Variants in EMX2 observed in about 807,000 individuals in gnomAD.
The protein encoded by EMX2 is homeobox protein EMX2.
Under a neutral mutation model 23.0 loss-of-function variants are expected in EMX2, and 6 were observed. The ratio of observed to expected loss-of-function variants is 0.26; its 90% confidence interval spans 0.14 to 0.52. The LOEUF (loss-of-function observed/expected upper bound fraction) is 0.52. Among genes scored for constraint, EMX2 ranks in the 20% least tolerant of loss-of-function variants. The probability of loss-of-function intolerance (pLI) is 0.97; values close to 1 mark genes in which losing one functional copy is unlikely to be tolerated. For missense variants in EMX2, 302 were observed against 341.4 expected (o/e 0.88, Z 0.91); for synonymous variants, 175 against 153.3 (o/e 1.14, Z -1.04).
Position 117,546,756 on chromosome 10 carries a change from C to T in EMX2, c.591+940C>T, listed in dbSNP as rs529302997. Reference sequence around the variant, plus strand: ...TGTGCGTGTCAAGCCCCGAGCGCACCGACGCGCGCCTTGGGCCAGCGCCGG... The same window carrying T: ...TGTGCGTGTCAAGCCCCGAGCGCACTGACGCGCGCCTTGGGCCAGCGCCGG... On this transcript the variant is annotated intron_variant, in intron 2 of 2. Coordinates refer to ENST00000553456, the MANE Select transcript of EMX2 (RefSeq NM_004098.4). Among the ~76,000 whole-genome samples the T allele has an allele frequency of 1.4e-4, 22 of 152,360 alleles. 1 individual carries two copies. The East Asian group carries it at 4.1e-3, about 28-fold the overall frequency.
intron 1 of EMX2, among the ~76,000 whole-genome samples, chr10:117,544,064 C>G (rs888137808): frequency 6.6e-6 from 1 of 152,188 alleles, no homozygotes; most frequent in African/African-American, 2.4e-5. Flanking sequence ...GGGGCGCGGA[C>G]AGGACTCGGC....
In EMX2 at chr10:117,543,643, C is replaced by G. The variant is rs1323107230; in HGVS notation, c.376C>G (p.Arg126Gly). The G allele has an allele frequency of 6.2e-7, 1 of 1,613,666 alleles. No homozygotes were observed. The highest frequency in any genetic ancestry group is 1.1e-5 in the South Asian group (1 of 91,086). The change falls in exon 1 of 3, where the codon CGC becomes GGC. Residue 126 changes from arginine to glycine, a missense_variant. Around this residue, in one of 4 missense-constraint regions of EMX2, gnomAD observed 221 missense variants for 206.8 expected, o/e 1.07. Transcript: ENST00000553456. ...PSTFYPWLIH[R>G]YRYLGHRFQG... ...CACCTTCTACCCCTGGCTCATCCAC[C>G]GCTACCGATATCTGGGTCATCGCTT... is the stretch of plus-strand genomic sequence containing the variant.
In EMX2 at chr10:117,543,615, G is replaced by T. The variant is rs144775289; in HGVS notation, c.348G>T (p.Pro116=). 371 of 1,612,754 alleles carry T rather than the reference G, an allele frequency of 2.3e-4. No homozygotes were observed. The highest frequency in any genetic ancestry group is 3.0e-4 in the Non-Finnish European group (353 of 1,179,604). Residue 116 remains proline (P), a synonymous_variant, in exon 1 of 3, where the codon CCG becomes CCT. Transcript: ENST00000553456. ...HPLFASQQRD[P]STFYPWLIHR... ...TATTCGCCTCGCAGCAGCGGGATCC[G>T]TCCACCTTCTACCCCTGGCTCATCC... is the stretch of plus-strand genomic sequence containing the variant.
In EMX2 at chr10:117,543,024, T is replaced by G; in HGVS notation, c.-244T>G. ...AAGGATTTTCCCCCCTCTCTTCAGG[T>G]TGGGCGCGTTTGGTGCAAGATTCTC... On this transcript the variant is annotated 5_prime_UTR_variant, in exon 1 of 3. Coordinates refer to ENST00000553456, the MANE Select transcript of EMX2 (RefSeq NM_004098.4). 3 of 419,294 alleles carry G rather than the reference T, an allele frequency of 7.2e-6. No homozygotes were observed. Among genetic ancestry groups the G allele is most frequent in the East Asian group, 4.6e-5 (1 of 21,974 alleles). The allele number at this position is 419,294 out of a possible 1,614,324, so 26.0% of individuals were successfully genotyped here. A position where few individuals can be genotyped will look rare whatever the true frequency, so the allele number is the denominator to read the frequency against.
intron 2 of EMX2, 63 bp downstream of exon 2, chr10:117,545,879 C>G (rs1011262619): frequency 1.6e-5 from 25 of 1,606,700 alleles, no homozygotes; most frequent in Non-Finnish European, 2.1e-5. Context: ...AAGCTGGCTC[C>G]CAAGCACACC....
chr10:117,547,725 G>A (rs1431940203), intron 2 of EMX2, among the ~76,000 whole-genome samples: 4 of 152,216 alleles, frequency 2.6e-5, no homozygotes, highest in African/African-American at 7.2e-5. Flanking sequence ...TTTTGTAGGG[G>A]CTTCCCATGC....
chr10:117,545,584 C>G (rs755275548), intron 1 of EMX2, 48 bp from the exon 2 acceptor site: 13 of 1,609,272 alleles, frequency 8.1e-6, no homozygotes, highest in South Asian at 1.1e-5. Flanking sequence ...TGCGCGGCTC[C>G]GGTCAGAGCA....
chr10:117,548,685 A>T lies in EMX2; in HGVS notation c.*453A>T. On this transcript the variant is annotated 3_prime_UTR_variant, in exon 3 of 3. Transcript: ENST00000553456. ...ACAGTCCACTTAAAAAATGATGATG[A>T]TGATAAAAACCACGACCCAACCAGG... The T allele has an allele frequency of 2.4e-6, 1 of 414,502 alleles. No individual in the cohort carries two copies. The highest frequency in any genetic ancestry group is 4.3e-6 in the Non-Finnish European group (1 of 235,008). The allele number at this position is 414,502 out of a possible 1,614,324, so 25.7% of individuals were successfully genotyped here. A position where few individuals can be genotyped will look rare whatever the true frequency, so the allele number is the denominator to read the frequency against.
In EMX2 at chr10:117,543,441, C is replaced by G; in HGVS notation, c.174C>G (p.Ala58=). The change falls in exon 1 of 3, where the codon GCC becomes GCG. Residue 58 remains alanine (A), a synonymous_variant. Transcript: ENST00000553456. ...GCTTCCACTCGGCCGCCGCCGCCGC[C>G]GCCGGTAGGGGCGTCTACTCCAACC... ...LNGFHSAAAA[A]AGRGVYSNPD... 1 of 1,605,538 alleles carries G rather than the reference C, an allele frequency of 6.2e-7. No individual in the cohort carries two copies. Among genetic ancestry groups the G allele is most frequent in the Non-Finnish European group, 8.5e-7 (1 of 1,176,576 alleles).
chr10:117,543,288 G>A lies in EMX2; in HGVS notation c.21G>A (p.Lys7=), dbSNP rs750776907. Residue 7 remains lysine, a synonymous_variant, in exon 1 of 3, where the codon AAG becomes AAA. Coordinates refer to ENST00000553456, the MANE Select transcript of EMX2 (RefSeq NM_004098.4). MFQPAP[K]RCFTIESLVA... ...GCAGCATGTTCCAGCCGGCGCCCAA[G>A]CGCTGCTTCACCATCGAGTCGCTGG... 15 of 1,549,002 alleles carry A rather than the reference G, an allele frequency of 9.7e-6. No individual in the cohort carries two copies. In the African/African-American group the frequency reaches 1.1e-4, roughly 11 times the overall value.
intron 2 of EMX2, among the ~76,000 whole-genome samples, chr10:117,546,564 A>G (rs1846581537): frequency 6.6e-6 from 1 of 152,244 alleles, no homozygotes; most frequent in African/African-American, 2.4e-5. Context: ...CAGCTCAGAA[A>G]GGTCGAGGCT....
intron 2 of EMX2, among the ~76,000 whole-genome samples, chr10:117,547,537 G>A (rs1001150618): frequency 4.6e-5 from 7 of 152,272 alleles, no homozygotes; most frequent in Admixed American, 2.0e-4. Context: ...CGCCTACCCA[G>A]GGCCCCCGCC....
In EMX2 at chr10:117,548,148, A is replaced by G; in HGVS notation, c.675A>G (p.Lys225=). 1 of 1,614,044 alleles carries G rather than the reference A, an allele frequency of 6.2e-7. No homozygotes were observed. The highest frequency in any genetic ancestry group is 8.5e-7 in the Non-Finnish European group (1 of 1,179,998). The change falls in exon 3 of 3, where the codon AAA becomes AAG. Residue 225 remains lysine (K), a synonymous_variant. Transcript: ENST00000553456. ...AAGGCTCAGATTCGCAACAAAAGAA[A>G]AAAGGGACGCACCATATTAACCGGT... ...EEEGSDSQQK[K]KGTHHINRWR... is the part of the protein sequence containing the mutation.
chr10:117,547,818 G>A (rs898129464), intron 2 of EMX2, among the ~76,000 whole-genome samples: 2 of 152,242 alleles, frequency 1.3e-5, no homozygotes, highest in Non-Finnish European at 2.9e-5. Context: ...CCGGGCCACA[G>A]GGCCCTGGGG....
intron 2 of EMX2, among the ~76,000 whole-genome samples, chr10:117,547,056 C>G (rs1846588679): frequency 6.6e-6 from 1 of 152,192 alleles, no homozygotes; most frequent in Non-Finnish European, 1.5e-5. Context: ...CTTACCTGTA[C>G]ACCACTGCTG....
rs1221245207 is a variant in EMX2, at chr10:117,548,859, G to A, written c.*627G>A. 1 of 396,830 alleles carries A rather than the reference G, an allele frequency of 2.5e-6. No homozygotes were observed. Among genetic ancestry groups the A allele is most frequent in the Admixed American group, 4.4e-5 (1 of 22,786 alleles). The allele number at this position is 396,830 out of a possible 1,614,324, so 24.6% of individuals were successfully genotyped here. ...GCATGTAGCAGTTGTTGGGCGAATGGTGTTTAAAGACCGAAAATGAATTGT... is the reference window on the plus strand; with the variant it reads ...GCATGTAGCAGTTGTTGGGCGAATGATGTTTAAAGACCGAAAATGAATTGT... On this transcript the variant is annotated 3_prime_UTR_variant, in exon 3 of 3. Transcript: ENST00000553456.
rs377504325 is a variant in EMX2 at position 117,543,405 on chromosome 10, G to A, written c.138G>A (p.Pro46=). ...ACGCTAACTCCAGCCCCATAAATCC[G>A]TTCCTCAACGGCTTCCACTCGGCCG... The part of the protein sequence containing the change: ...LSYANSSPIN[P]FLNGFHSAAA... Residue 46 remains proline, a synonymous_variant, in exon 1 of 3, where the codon CCG becomes CCA. Transcript: ENST00000553456. 3 of 1,589,814 alleles carry A rather than the reference G, an allele frequency of 1.9e-6. No individual in the cohort carries two copies. The highest frequency in any genetic ancestry group is 2.3e-5 in the East Asian group (1 of 43,112).
In EMX2 at chr10:117,543,145, C is replaced by CCCCCCCCCCCA; in HGVS notation, c.-120_-119insCCCCCCCACCC. On this transcript the variant is annotated 5_prime_UTR_variant, in exon 1 of 3. Transcript: ENST00000553456. Reference sequence around the variant, plus strand: ...TTCCTTTCCTTCCCCCCACCCCCACCCCCACCCCAAACAAACGAGTCCCCA... The same window carrying CCCCCCCCCCCA: ...TTCCTTTCCTTCCCCCCACCCCCACCCCCCCCCCCCACCCACCCCAAACAAACGAGTCCCCA... The CCCCCCCCCCCA allele has an allele frequency of 5.1e-6, 1 of 195,112 alleles. No homozygotes were observed. The highest frequency in any genetic ancestry group is 9.3e-6 in the Non-Finnish European group (1 of 107,254). 12.1% of individuals were successfully genotyped at this position (195,112 alleles called of 1,614,324 possible).
chr10:117,548,735 C>A lies in EMX2; in HGVS notation c.*503C>A. ...GCACAGGACTTTTTTGTTTTTTGCA[C>A]TTCGCTGTGTTTCCCCCCCATCTTT... On this transcript the variant is annotated 3_prime_UTR_variant, in exon 3 of 3. Coordinates refer to ENST00000553456, the MANE Select transcript of EMX2 (RefSeq NM_004098.4). The A allele has an allele frequency of 2.4e-6, 1 of 409,058 alleles. No homozygotes were observed. The highest frequency in any genetic ancestry group is 4.3e-6 in the Non-Finnish European group (1 of 232,028). The allele number at this position is 409,058 out of a possible 1,614,324, so 25.3% of individuals were successfully genotyped here. A position where few individuals can be genotyped will look rare whatever the true frequency, so the allele number is the denominator to read the frequency against.
Sources: allele counts gnomAD v4.1 joint callset (sites outside exome capture counted in the v4.1 genomes callset), GRCh38; gene constraint gnomAD v4.1.1; regional missense constraint gnomAD v4.1.1; transcripts MANE v1.5; gene names NCBI Gene and HGNC (gene_info 2026-07-23, HGNC 2026-07-21).